The following CTIF variants were observed in gnomAD, a reference collection of about 807,000 sequenced individuals.
CTIF encodes cap binding complex dependent translation initiation factor, also known as CBP80/20-dependent translation initiation factor.
CTIF carries 21 observed loss-of-function variants against 66.0 expected under a neutral mutation model. The observed-to-expected ratio is 0.32, with a 90% CI of 0.23 to 0.46. The LOEUF is 0.46. Among genes scored for constraint, CTIF ranks in the 20% least tolerant of loss-of-function variants. The pLI is 1.00. For missense variants in CTIF, 739 were observed against 812.7 expected, an observed-to-expected ratio of 0.91 and a Z score of 1.10; for synonymous variants, 345 against 326.4, an observed-to-expected ratio of 1.06 and a Z score of -0.62.
intron 1 of CTIF, among the ~76,000 whole-genome samples, chr18:48,615,762 C>G (rs924300099): frequency 1.3e-5 from 2 of 152,188 alleles, no homozygotes; most frequent in Non-Finnish European, 2.9e-5. Context: ...GCAGAGGAAG[C>G]CTGGACAGGA....
chr18:48,609,629 C>G (rs535157179), intron 1 of CTIF, among the ~76,000 whole-genome samples: 1 of 152,260 alleles, frequency 6.6e-6, no homozygotes, highest in South Asian at 2.1e-4. Flanking sequence ...AACCCAGACT[C>G]GGGACCCATA....
At chr18:48,583,894 C>G (rs1245427604) in intron 1 of CTIF, among the ~76,000 whole-genome samples, 1 of 152,236 alleles carries the variant, frequency 6.6e-6, no homozygotes, top group African/African-American at 2.4e-5. Flanking sequence ...AAGTCACTCA[C>G]TTCTCTTGTG....
intron 3 of CTIF, among the ~76,000 whole-genome samples, chr18:48,649,350 C>G (rs1466461239): frequency 6.6e-6 from 1 of 152,230 alleles, no homozygotes; most frequent in Non-Finnish European, 1.5e-5. Flanking sequence ...TTACTCACTG[C>G]TAGCGCAGCA....
At chr18:48,854,204 G>T (rs872360) in intron 10 of CTIF, among the ~76,000 whole-genome samples, 17,701 of 152,078 alleles carry the variant, frequency 0.12, 1,257 homozygotes, top group Non-Finnish European at 0.16. Context: ...AATGTGCATG[G>T]GGGGGAAAGC....
At chr18:48,838,886 A>G (rs2146523255) in intron 10 of CTIF, among the ~76,000 whole-genome samples, 1 of 152,198 alleles carries the variant, frequency 6.6e-6, no homozygotes, top group East Asian at 1.9e-4. Context: ...GCCCAGGCAC[A>G]TCTCCCTGAC....
intron 10 of CTIF, among the ~76,000 whole-genome samples, chr18:48,848,436 T>C (rs1277465871): frequency 6.6e-6 from 1 of 152,218 alleles, no homozygotes; most frequent in Non-Finnish European, 1.5e-5. Context: ...GGGGCTGGGC[T>C]GAGCTTTTTC....
intron 1 of CTIF, among the ~76,000 whole-genome samples, chr18:48,553,100 A>C (rs886796687): frequency 6.6e-6 from 1 of 152,106 alleles, no homozygotes; most frequent in African/African-American, 2.4e-5. Flanking sequence ...GGCCAGTTGG[A>C]AGTGTGGTTT....
intron 10 of CTIF, among the ~76,000 whole-genome samples, chr18:48,849,568 C>G (rs1056094852): frequency 6.8e-6 from 1 of 148,126 alleles, no homozygotes; most frequent in African/African-American, 2.5e-5. Context: ...TTATGTAAAG[C>G]TTACCATTTT....
chr18:48,680,083 G>A (rs186421774), intron 6 of CTIF, among the ~76,000 whole-genome samples: 9 of 152,326 alleles, frequency 5.9e-5, no homozygotes, highest in Admixed American at 2.6e-4. Context: ...TTCAGAAGCC[G>A]TGGGACAGGG....
intron 6 of CTIF, among the ~76,000 whole-genome samples, 163 bp from the exon 7 acceptor site, chr18:48,711,456 C>T (rs1218291410): frequency 6.6e-6 from 1 of 152,188 alleles, no homozygotes; most frequent in Admixed American, 6.5e-5. Context: ...ATTGACTCTA[C>T]TGTTTTTCCT....
At chr18:48,556,626 G>T (rs1042617360) in intron 1 of CTIF, among the ~76,000 whole-genome samples, 1 of 151,922 alleles carries the variant, frequency 6.6e-6, no homozygotes, top group African/African-American at 2.4e-5. Context: ...GTGCAGTGGC[G>T]CAGTCTCAGC....
intron 7 of CTIF, among the ~76,000 whole-genome samples, chr18:48,741,816 C>T (rs992602823): frequency 3.9e-5 from 6 of 152,212 alleles, no homozygotes; most frequent in Non-Finnish European, 5.9e-5. Context: ...GCTGTCCTCT[C>T]GTCATCTTCA....
chr18:48,544,477 G>A (rs1318939691), intron 1 of CTIF, among the ~76,000 whole-genome samples: 2 of 152,210 alleles, frequency 1.3e-5, no homozygotes, highest in African/African-American at 4.8e-5. Flanking sequence ...ATGATGAACA[G>A]AAAGCCTTGA....
At chr18:48,754,732 G>A (rs1908178145) in intron 7 of CTIF, among the ~76,000 whole-genome samples, 1 of 152,230 alleles carries the variant, frequency 6.6e-6, no homozygotes, top group African/African-American at 2.4e-5. Context: ...GCCCAGCAAG[G>A]GTGAGCCTGA....
At chr18:48,601,314 G>C (rs148900179) in intron 1 of CTIF, among the ~76,000 whole-genome samples, 2 of 152,200 alleles carry the variant, frequency 1.3e-5, no homozygotes, top group African/African-American at 4.8e-5. Context: ...TGTACTGACC[G>C]CATGTTTAGA....
At chr18:48,821,791 ATTTT>A (rs1435045314) in intron 10 of CTIF, among the ~76,000 whole-genome samples, 1 of 152,106 alleles carries the variant, frequency 6.6e-6, no homozygotes, top group African/African-American at 2.4e-5. Flanking sequence ...GCTCCTTTTT[ATTTT>A]TTAAATATTT....
intron 3 of CTIF, among the ~76,000 whole-genome samples, chr18:48,646,901 CAAAAAAAAAAAAAAA>C (rs35904615): frequency 1.3e-5 from 1 of 77,970 alleles, no homozygotes; most frequent in Non-Finnish European, 2.3e-5. Context: ...TTGGCAGTTT[CAAAAAAAAAAAAAAA>C]AAAAAAAAAC....
chr18:48,552,561 G>A (rs963029312), intron 1 of CTIF, among the ~76,000 whole-genome samples: 3 of 152,170 alleles, frequency 2.0e-5, no homozygotes, highest in Admixed American at 6.5e-5. Flanking sequence ...TGGAATGGGT[G>A]AGGACGTTCT....
chr18:48,669,779 A>C (rs2091492109), intron 5 of CTIF, among the ~76,000 whole-genome samples: 2 of 115,834 alleles, frequency 1.7e-5, no homozygotes, highest in Non-Finnish European at 3.6e-5. Flanking sequence ...TTTATAAACA[A>C]ACAAGCTAAA....
Sources: gnomAD v4.1 joint callset for allele counts (sites outside exome capture counted in the v4.1 genomes callset) on GRCh38, gnomAD v4.1.1 for gene constraint, MANE v1.5 for transcripts, NCBI Gene and HGNC (gene_info 2026-07-23, HGNC 2026-07-21) for gene names.